The following SP140 variants were observed in gnomAD, a reference collection of about 807,000 sequenced individuals.
SP140 encodes SP140 nuclear body protein, also known as nuclear body protein SP140.
SP140 carries 81 observed loss-of-function variants against 125.0 expected under a neutral mutation model. That is an observed-to-expected ratio of 0.65 (90% confidence interval 0.54 to 0.78). The LOEUF (loss-of-function observed/expected upper bound fraction) is 0.78, where lower values mean the gene tolerates loss of function less well. SP140 is among the 30% of genes least tolerant of loss of function. The probability of loss-of-function intolerance (pLI) is 0.00; values close to 1 mark genes in which losing one functional copy is unlikely to be tolerated. For missense variants in SP140, 858 were observed against 1,037.0 expected (o/e 0.83, Z 2.37); for synonymous variants, 312 against 354.0 (o/e 0.88, Z 1.33).
chr2:230,310,908 A>C, intron 24 of SP140, 57 bp downstream of exon 24: 2 of 821,738 alleles, frequency 2.4e-6, no homozygotes, highest in South Asian at 3.7e-5. Context: ...GAGAACCATG[A>C]ACAAGCGCAA....
chr2:230,277,511 T>C (rs2054899541), intron 15 of SP140, among the ~76,000 whole-genome samples: 2 of 152,202 alleles, frequency 1.3e-5, no homozygotes, highest in South Asian at 4.1e-4. Flanking sequence ...ATTCACTTTA[T>C]TGCAGTGGTC....
intron 12 of SP140, among the ~76,000 whole-genome samples, chr2:230,261,925 A>T (rs2052332359): frequency 2.0e-5 from 3 of 152,014 alleles, no homozygotes; most frequent in Non-Finnish European, 4.4e-5. Context: ...TTTTTTGGCT[A>T]TGTCCTTTCC....
intron 12 of SP140, among the ~76,000 whole-genome samples, chr2:230,263,260 C>G (rs895005721): frequency 3.9e-5 from 6 of 152,080 alleles, no homozygotes; most frequent in Non-Finnish European, 8.8e-5. Context: ...TTTGTTTTGT[C>G]TAATATAAGA....
At chr2:230,248,837 G>T (rs568957474) in intron 8 of SP140, 48 bp from the exon 9 acceptor site, 15 of 1,482,152 alleles carry the variant, frequency 1.0e-5, no homozygotes, top group African/African-American at 1.4e-5. Flanking sequence ...ACTGAGGCCT[G>T]TGTCCAAGTC....
At chr2:230,268,863 C>T (rs72988290) in intron 12 of SP140, among the ~76,000 whole-genome samples, 4,277 of 152,246 alleles carry the variant, frequency 0.028, 99 homozygotes, top group Non-Finnish European at 0.042. Flanking sequence ...AAGATAATCT[C>T]GGCAGGAACT....
the SP140 span, among the ~76,000 whole-genome samples, chr2:230,191,931 T>C: frequency 1.3e-5 from 2 of 152,196 alleles, no homozygotes; most frequent in Non-Finnish European, 2.9e-5. Flanking sequence ...AAAAAACTTA[T>C]TCACCATGAT....
chr2:230,263,663 T>C (rs2052624195), intron 12 of SP140, among the ~76,000 whole-genome samples: 1 of 152,226 alleles, frequency 6.6e-6, no homozygotes, highest in Non-Finnish European at 1.5e-5. Flanking sequence ...AGTGGTGGCT[T>C]GGTAATGGCG....
intron 17 of SP140, 47 bp from the exon 18 acceptor site, chr2:230,287,845 T>A: frequency 6.6e-7 from 1 of 1,525,464 alleles, no homozygotes; most frequent in Non-Finnish European, 8.9e-7. Context: ...ATATGTGTAA[T>A]ACAGCTGCTC....
intron 1 of SP140, among the ~76,000 whole-genome samples, chr2:230,235,474 C>T (rs2047836464): frequency 6.6e-6 from 1 of 152,146 alleles, no homozygotes; most frequent in Admixed American, 6.6e-5. Context: ...CGATTTTAAA[C>T]CAGAAGGCTT....
At chr2:230,297,485 G>T (rs773577577) in intron 22 of SP140, 23 bp downstream of exon 22, 8 of 1,612,380 alleles carry the variant, frequency 5.0e-6, no homozygotes, top group Non-Finnish European at 6.8e-6. Flanking sequence ...TCTGAACTAC[G>T]ACCCCCAGAA....
In SP140 at chr2:230,225,831, C is replaced by G; in HGVS notation, c.-14C>G. 12 of 1,613,286 alleles carry G rather than the reference C, an allele frequency of 7.4e-6. No homozygotes were observed. Among genetic ancestry groups the G allele is most frequent in the Non-Finnish European group, 1.0e-5 (12 of 1,179,254 alleles). On this transcript the variant is annotated 5_prime_UTR_variant, in exon 1 of 27. The change creates a new upstream start codon in the 5' untranslated region. Coordinates refer to ENST00000392045, the MANE Select transcript of SP140 (RefSeq NM_007237.5). ...CAGTGAAAATCGAATCGGGTGTGATCCTAGGCCAAGCTCATGGCCCAGCAG... is the reference window on the plus strand; with the variant it reads ...CAGTGAAAATCGAATCGGGTGTGATGCTAGGCCAAGCTCATGGCCCAGCAG...
intron 13 of SP140, 35 bp from the exon 14 acceptor site, chr2:230,269,802 A>G: frequency 6.5e-7 from 1 of 1,533,142 alleles, no homozygotes; most frequent in African/African-American, 1.4e-5. Flanking sequence ...ACTGGGTCAA[A>G]CTGAAAGTCT....
intron 1 of SP140, among the ~76,000 whole-genome samples, chr2:230,236,802 T>C (rs2048075848): frequency 6.6e-6 from 1 of 152,254 alleles, no homozygotes; most frequent in Non-Finnish European, 1.5e-5. Context: ...ATATTTTCCC[T>C]AGAGAGTTCA....
intron 15 of SP140, among the ~76,000 whole-genome samples, chr2:230,275,204 T>A (rs1455873252): frequency 1.3e-5 from 2 of 152,160 alleles, no homozygotes; most frequent in African/African-American, 4.8e-5. Flanking sequence ...TTCTTTTACG[T>A]TTCTTTGTGG....
intron 1 of SP140, among the ~76,000 whole-genome samples, chr2:230,209,512 A>T (rs1487988602): frequency 6.6e-6 from 1 of 152,198 alleles, no homozygotes; most frequent in African/African-American, 2.4e-5. Context: ...GGATGGGGCC[A>T]GTAGGCAGCA....
At chr2:230,253,098 A>G (rs192348128) in intron 10 of SP140, among the ~76,000 whole-genome samples, 1 of 152,318 alleles carries the variant, frequency 6.6e-6, no homozygotes, top group African/African-American at 2.4e-5. Flanking sequence ...CCAGTTGGAG[A>G]GAAGATCAGA....
intron 12 of SP140, 48 bp from the exon 13 acceptor site, chr2:230,269,484 G>T (rs767105179): frequency 8.5e-7 from 1 of 1,170,884 alleles, no homozygotes; most frequent in Non-Finnish European, 1.3e-6. Flanking sequence ...CTCTTCTGTG[G>T]TCATTGTCTC....
At chr2:230,214,269 A>G (rs551939637) in intron 3 of SP140, 1 of 152,076 alleles carries the variant, frequency 6.6e-6, no homozygotes, top group Non-Finnish European at 1.5e-5. Flanking sequence ...TTCTGTGGCT[A>G]TGTTTGCGAT....
upstream of SP140, among the ~76,000 whole-genome samples, chr2:230,224,474 GGA>G (rs1188258159): frequency 2.7e-5 from 4 of 147,744 alleles, no homozygotes; most frequent in African/African-American, 9.9e-5. Flanking sequence ...GGAGAGGGAG[GGA>G]GAGAGAGGGA....
Sources: allele counts gnomAD v4.1 joint callset (sites outside exome capture counted in the v4.1 genomes callset), GRCh38; gene constraint gnomAD v4.1.1; transcripts MANE v1.5; gene names NCBI Gene and HGNC (gene_info 2026-07-23, HGNC 2026-07-21).